The following CLSTN2 variants were observed in gnomAD, a reference collection of about 807,000 sequenced individuals.
CLSTN2 encodes calsyntenin-2.
Under a neutral mutation model 101.2 loss-of-function variants are expected in CLSTN2, and 48 were observed. The observed-to-expected ratio is 0.47, with a 90% CI of 0.38 to 0.60. The LOEUF is 0.60. CLSTN2 is among the 20% of genes least tolerant of loss of function. The pLI is 0.00. For synonymous variants in CLSTN2, 481 were observed against 463.6 expected (o/e 1.04, Z -0.48); for missense variants, 1,160 against 1,238.2 (o/e 0.94, Z 0.95).
At chr3:140,036,712 G>A (rs2007662109) in intron 1 of CLSTN2, among the ~76,000 whole-genome samples, 1 of 151,216 alleles carries the variant, frequency 6.6e-6, no homozygotes, top group Admixed American at 6.6e-5. Flanking sequence ...CACATCAGTG[G>A]GCATGCTAGA....
intron 2 of CLSTN2, among the ~76,000 whole-genome samples, chr3:140,234,159 A>T (rs528917733): frequency 6.6e-6 from 1 of 152,240 alleles, no homozygotes; most frequent in Non-Finnish European, 1.5e-5. Flanking sequence ...ACGGTCACAA[A>T]TCCAATTTCC....
At chr3:140,514,989 G>A (rs1934889327) in intron 8 of CLSTN2, among the ~76,000 whole-genome samples, 1 of 152,102 alleles carries the variant, frequency 6.6e-6, no homozygotes, top group African/African-American at 2.4e-5. Flanking sequence ...ATTCAGCTAT[G>A]AATCTATTTG....
At chr3:140,072,990 C>T (rs2008420439) in intron 1 of CLSTN2, among the ~76,000 whole-genome samples, 1 of 152,216 alleles carries the variant, frequency 6.6e-6, no homozygotes. Flanking sequence ...TCAAATTACT[C>T]TGAAACCTTT....
At chr3:140,323,205 G>A (rs2087300942) in intron 2 of CLSTN2, among the ~76,000 whole-genome samples, 1 of 152,122 alleles carries the variant, frequency 6.6e-6, no homozygotes, top group African/African-American at 2.4e-5. Context: ...TGGGCTTCCG[G>A]GGTTCTTCCT....
intron 2 of CLSTN2, among the ~76,000 whole-genome samples, chr3:140,338,626 G>A (rs537114280): frequency 6.6e-6 from 1 of 152,296 alleles, no homozygotes; most frequent in South Asian, 2.1e-4. Context: ...GTGTTGTGTG[G>A]CACTAAGCTT....
At chr3:140,341,200 A>G (rs2087488621) in intron 2 of CLSTN2, among the ~76,000 whole-genome samples, 1 of 152,142 alleles carries the variant, frequency 6.6e-6, no homozygotes, top group African/African-American at 2.4e-5. Context: ...AATCAAAGAG[A>G]AAGGAGCTCT....
chr3:140,030,291 T>G (rs1376669338), intron 1 of CLSTN2, among the ~76,000 whole-genome samples: 1 of 151,680 alleles, frequency 6.6e-6, no homozygotes, highest in African/African-American at 2.4e-5. Context: ...ATGTGAAGAG[T>G]TGGGTAGCTT....
At chr3:140,292,998 C>T (rs368803516) in intron 2 of CLSTN2, among the ~76,000 whole-genome samples, 10 of 152,268 alleles carry the variant, frequency 6.6e-5, no homozygotes, top group Admixed American at 1.3e-4. Context: ...TTAGAGTAGA[C>T]GTGAGATAAA....
chr3:140,524,640 A>T (rs1935099714), intron 8 of CLSTN2, among the ~76,000 whole-genome samples: 2 of 152,188 alleles, frequency 1.3e-5, no homozygotes, highest in Admixed American at 6.5e-5. Context: ...CAGGACATAC[A>T]TTCTTCTTAT....
intron 1 of CLSTN2, among the ~76,000 whole-genome samples, chr3:140,052,650 C>G (rs2008019014): frequency 6.6e-6 from 1 of 152,148 alleles, no homozygotes; most frequent in Admixed American, 6.5e-5. Flanking sequence ...ATTGGAAATG[C>G]CCCCTGAGGT....
intron 2 of CLSTN2, among the ~76,000 whole-genome samples, chr3:140,198,773 G>A (rs530866967): frequency 6.6e-6 from 1 of 152,190 alleles, no homozygotes; most frequent in Non-Finnish European, 1.5e-5. Context: ...ATTTAAAAAT[G>A]TAAAAACCAT....
chr3:140,562,270 T>C lies in CLSTN2; in HGVS notation c.2174T>C (p.Leu725Pro). 1 of 1,613,920 alleles carries C rather than the reference T, an allele frequency of 6.2e-7. No homozygotes were observed. Among genetic ancestry groups the C allele is most frequent in the South Asian group, 1.1e-5 (1 of 91,062 alleles). The change falls in exon 13 of 17, where the codon CTG becomes CCG. Residue 725 changes from leucine (L) to proline (P), a missense_variant. Coordinates refer to ENST00000458420, the MANE Select transcript of CLSTN2 (RefSeq NM_022131.3). ...LNHSELHQRH[L>P]DATNSTAGYS... is the part of the protein sequence containing the mutation. ...CACAGTGAGCTCCACCAACGACACCTGGATGCCACTAATTCTACTGCAGGC... is the reference window on the plus strand; with the variant it reads ...CACAGTGAGCTCCACCAACGACACCCGGATGCCACTAATTCTACTGCAGGC...
At chr3:140,182,411 A>G (rs892936951) in intron 2 of CLSTN2, among the ~76,000 whole-genome samples, 2 of 152,088 alleles carry the variant, frequency 1.3e-5, no homozygotes, top group African/African-American at 4.8e-5. Flanking sequence ...CCACATCAGG[A>G]CCTCATTTCC....
chr3:140,068,641 G>T, intron 1 of CLSTN2, among the ~76,000 whole-genome samples: 1 of 152,230 alleles, frequency 6.6e-6, no homozygotes, highest in East Asian at 1.9e-4. Context: ...ATCCTGACAA[G>T]ATGACCAATT....
intron 1 of CLSTN2, among the ~76,000 whole-genome samples, chr3:139,959,728 C>G (rs1935470569): frequency 6.6e-6 from 1 of 152,128 alleles, no homozygotes; most frequent in Non-Finnish European, 1.5e-5. Flanking sequence ...ATTCTGTGCC[C>G]TCAGCCAACC....
At chr3:140,425,399 A>G (rs1322983708) in intron 5 of CLSTN2, among the ~76,000 whole-genome samples, 1 of 152,202 alleles carries the variant, frequency 6.6e-6, no homozygotes, top group Non-Finnish European at 1.5e-5. Context: ...CTTTCTCTGA[A>G]TGCTGCTGGC....
At chr3:140,485,935 G>A (rs372446188) in intron 8 of CLSTN2, among the ~76,000 whole-genome samples, 5 of 151,700 alleles carry the variant, frequency 3.3e-5, no homozygotes, top group East Asian at 3.9e-4. Flanking sequence ...ACCCTGCTTC[G>A]GCTCACACTT....
chr3:140,467,145 G>A (rs750515374), intron 8 of CLSTN2, among the ~76,000 whole-genome samples: 1 of 152,192 alleles, frequency 6.6e-6, no homozygotes, highest in Non-Finnish European at 1.5e-5. Context: ...ACAGGGACTT[G>A]AGGGCTTTGA....
At chr3:140,212,733 A>G (rs2010873564) in intron 2 of CLSTN2, among the ~76,000 whole-genome samples, 1 of 152,130 alleles carries the variant, frequency 6.6e-6, no homozygotes, top group Non-Finnish European at 1.5e-5. Context: ...CAAATAGGCC[A>G]TGTTTCTGTT....
Sources: allele counts gnomAD v4.1 joint callset (sites outside exome capture counted in the v4.1 genomes callset), GRCh38; gene constraint gnomAD v4.1.1; transcripts MANE v1.5; gene names NCBI Gene and HGNC (gene_info 2026-07-23, HGNC 2026-07-21).